Variants in MYO5B observed in about 807,000 individuals in gnomAD.
MYO5B encodes myosin VB.
A neutral mutation model predicts 229.3 loss-of-function variants in MYO5B; 143 were observed. The observed-to-expected ratio is 0.62, with a 90% CI of 0.54 to 0.72. The LOEUF is 0.72. Among genes scored for constraint, MYO5B ranks in the 30% least tolerant of loss-of-function variants. MYO5B has a pLI of 0.00. For missense variants in MYO5B, 2,321 were observed against 2,331.0 expected, an observed-to-expected ratio of 1.00 and a Z score of 0.09; for synonymous variants, 918 against 885.2, an observed-to-expected ratio of 1.04 and a Z score of -0.66.
intron 4 of MYO5B, among the ~76,000 whole-genome samples, chr18:50,012,842 C>T (rs2026177338): frequency 6.6e-6 from 1 of 152,200 alleles, no homozygotes; most frequent in Non-Finnish European, 1.5e-5. Flanking sequence ...TTCCTTCCTC[C>T]TCCCATGCAA....
At chr18:50,114,576 A>G (rs1439236377) in intron 1 of MYO5B, among the ~76,000 whole-genome samples, 2 of 152,198 alleles carry the variant, frequency 1.3e-5, no homozygotes, top group Non-Finnish European at 2.9e-5. Context: ...ACTGTTCCCA[A>G]TTCAGACATT....
chr18:49,847,013 G>A, intron 33 of MYO5B, 133 bp downstream of exon 33: 2 of 1,157,892 alleles, frequency 1.7e-6, no homozygotes, highest in Admixed American at 1.9e-5. Context: ...CAGGTGCAAG[G>A]GCAAGTAGGA....
chr18:49,841,185 G>T (rs1433379295), intron 35 of MYO5B, among the ~76,000 whole-genome samples, 180 bp downstream of exon 35: 2 of 152,184 alleles, frequency 1.3e-5, no homozygotes, highest in Non-Finnish European at 2.9e-5. Flanking sequence ...CTAGAGGCAG[G>T]TCTCCTGTGG....
At chr18:49,856,606 A>G (rs1468957031) in intron 30 of MYO5B, among the ~76,000 whole-genome samples, 2 of 152,148 alleles carry the variant, frequency 1.3e-5, no homozygotes, top group African/African-American at 4.8e-5. Flanking sequence ...AAATGCTATC[A>G]CCTTGACCCA....
chr18:50,030,725 C>A (rs1226304088), intron 4 of MYO5B, among the ~76,000 whole-genome samples: 2 of 151,828 alleles, frequency 1.3e-5, no homozygotes, highest in Non-Finnish European at 2.9e-5. Flanking sequence ...AAGCTGCACA[C>A]CCCTCCCCAG....
intron 20 of MYO5B, among the ~76,000 whole-genome samples, chr18:49,903,098 C>A (rs762915625): frequency 1.1e-4 from 17 of 152,152 alleles, no homozygotes; most frequent in Non-Finnish European, 1.9e-4. Flanking sequence ...GGTTAGGAAA[C>A]CACAGTCTGA....
chr18:49,976,731 T>C (rs769790844), intron 9 of MYO5B, among the ~76,000 whole-genome samples: 2 of 152,122 alleles, frequency 1.3e-5, no homozygotes, highest in Non-Finnish European at 2.9e-5. Flanking sequence ...GAAGCCCCCA[T>C]CTTTTCACAC....
chr18:50,060,938 T>C (rs2030671309), intron 1 of MYO5B, among the ~76,000 whole-genome samples: 1 of 152,218 alleles, frequency 6.6e-6, no homozygotes, highest in African/African-American at 2.4e-5. Context: ...TGTAATTCCA[T>C]GTGGCTGACT....
Position 49,826,491 on chromosome 18 carries a change from C to G in MYO5B, c.5527G>C (p.Glu1843Gln), listed in dbSNP as rs756785447. The G allele has an allele frequency of 6.2e-7, 1 of 1,613,938 alleles. No homozygotes were observed. The highest frequency in any genetic ancestry group is 1.7e-5 in the Admixed American group (1 of 60,000). Residue 1843 changes from glutamate (E) to glutamine (Q), a missense_variant, in exon 40 of 40, where the codon GAA becomes CAA. Around this residue, in one of 2 missense-constraint regions of MYO5B, gnomAD observed 208 missense variants for 286.3 expected, o/e 0.73. Transcript: ENST00000285039. ...CATCTTCAGACTTCATTGAGGAATT[C>G]CAGATTGAGACACGCTGGGATGTGG... ...SIHIPACLNL[E>Q]FLNEV
intron 1 of MYO5B, among the ~76,000 whole-genome samples, chr18:50,105,537 T>C (rs1194347124): frequency 1.3e-5 from 2 of 152,208 alleles, no homozygotes; most frequent in African/African-American, 2.4e-5. Context: ...ATTCCATTTG[T>C]GACCTTCTTA....
intron 4 of MYO5B, among the ~76,000 whole-genome samples, chr18:50,013,699 A>G (rs2026186200): frequency 6.6e-6 from 1 of 152,244 alleles, no homozygotes; most frequent in Non-Finnish European, 1.5e-5. Flanking sequence ...ACAGACGACC[A>G]AAACTCACAA....
chr18:50,128,521 C>G (rs1349518461), intron 1 of MYO5B, among the ~76,000 whole-genome samples: 1 of 152,140 alleles, frequency 6.6e-6, no homozygotes, highest in Non-Finnish European at 1.5e-5. Context: ...TATACCTGTC[C>G]AGGTAGGAGA....
chr18:49,939,604 C>A (rs1341709392), intron 14 of MYO5B, among the ~76,000 whole-genome samples: 1 of 152,170 alleles, frequency 6.6e-6, no homozygotes, highest in Non-Finnish European at 1.5e-5. Flanking sequence ...GGAGAAGGAA[C>A]CTACCGGAAT....
At chr18:49,993,301 C>T (rs933755127) in intron 5 of MYO5B, among the ~76,000 whole-genome samples, 1 of 151,692 alleles carries the variant, frequency 6.6e-6, no homozygotes, top group African/African-American at 2.4e-5. Context: ...AAGCCAAAAT[C>T]CCAACCTACC....
At chr18:50,107,913 TTTG>T (rs1158968972) in intron 1 of MYO5B, among the ~76,000 whole-genome samples, 1 of 152,116 alleles carries the variant, frequency 6.6e-6, no homozygotes, top group Non-Finnish European at 1.5e-5. Context: ...ATTATCCTTT[TTTG>T]TTGTTGTTAA....
chr18:50,183,317 AT>A (rs1339332398), intron 1 of MYO5B, among the ~76,000 whole-genome samples: 2,679 of 49,400 alleles, frequency 0.054, 182 homozygotes, highest in African/African-American at 0.12. Context: ...ATATATATAT[AT>A]ATATATATAT....
intron 1 of MYO5B, among the ~76,000 whole-genome samples, chr18:50,062,230 G>C (rs1008657070): frequency 3.9e-5 from 6 of 152,152 alleles, no homozygotes; most frequent in African/African-American, 1.4e-4. Context: ...GGTAGTTTCA[G>C]CATTAAGCAT....
rs1463470826 is a variant in MYO5B, at chr18:49,824,031, T to G, written c.*2440A>C. ...CGCTAAAGGCACCTGGTGAAAAAAATGTCAACTAAATTTTAAATATTAAAA... is the reference window on the plus strand; with the variant it reads ...CGCTAAAGGCACCTGGTGAAAAAAAGGTCAACTAAATTTTAAATATTAAAA... On this transcript the variant is annotated 3_prime_UTR_variant, in exon 40 of 40. Transcript: ENST00000285039. The G allele has an allele frequency of 1.3e-5, 2 of 152,560 alleles. No homozygotes were observed. Among genetic ancestry groups the G allele is most frequent in the African/African-American group, 2.4e-5 (1 of 41,448 alleles). The allele number at this position is 152,560 out of a possible 1,614,324, so 9.5% of individuals were successfully genotyped here. A position where few individuals can be genotyped will look rare whatever the true frequency, so the allele number is the denominator to read the frequency against.
At chr18:50,134,901 C>G (rs938430079) in intron 1 of MYO5B, among the ~76,000 whole-genome samples, 2 of 152,200 alleles carry the variant, frequency 1.3e-5, no homozygotes, top group Admixed American at 6.5e-5. Context: ...GACACTTACT[C>G]AGATCTGTCT....
Sources: gnomAD v4.1 joint callset for allele counts (sites outside exome capture counted in the v4.1 genomes callset) on GRCh38, gnomAD v4.1.1 for gene constraint, gnomAD v4.1.1 regional missense constraint, MANE v1.5 for transcripts, NCBI Gene and HGNC (gene_info 2026-07-23, HGNC 2026-07-21) for gene names.